The following SGCD variants were observed in gnomAD, a reference collection of about 807,000 sequenced individuals.
SGCD encodes the protein delta-sarcoglycan.
A neutral mutation model predicts 36.6 loss-of-function variants in SGCD; 18 were observed. The ratio of observed to expected loss-of-function variants is 0.49; its 90% CI spans 0.34 to 0.73. The LOEUF is 0.73. Ranked by LOEUF, SGCD falls within the 30% of genes least tolerant of loss-of-function variation. The probability of loss-of-function intolerance (pLI) is 0.01; values close to 1 mark genes in which losing one functional copy is unlikely to be tolerated. For synonymous variants in SGCD, 133 were observed against 130.6 expected (o/e 1.02, Z -0.12); for missense variants, 387 against 346.7 (o/e 1.12, Z -0.92).
chr5:155,743,026 C>G, the SGCD span, among the ~76,000 whole-genome samples: 1 of 152,178 alleles, frequency 6.6e-6, no homozygotes, highest in Admixed American at 6.5e-5. Flanking sequence ...CTTGCCCTCT[C>G]TAGGTGTACC....
chr5:156,722,673 A>G (rs537804786), intron 7 of SGCD, among the ~76,000 whole-genome samples: 70 of 152,342 alleles, frequency 4.6e-4, no homozygotes, highest in Admixed American at 9.2e-4. Context: ...ATCTTATCCA[A>G]TGCTTCTTCC....
chr5:156,081,002 C>G (rs1375216667), intron 1 of SGCD, among the ~76,000 whole-genome samples: 1 of 152,088 alleles, frequency 6.6e-6, no homozygotes. Flanking sequence ...AAATAAATAC[C>G]TGATCATGGG....
At chr5:155,948,199 A>T (rs1296443529) in intron 1 of SGCD, among the ~76,000 whole-genome samples, 1 of 152,078 alleles carries the variant, frequency 6.6e-6, no homozygotes, top group Non-Finnish European at 1.5e-5. Context: ...ATTTCTTGAA[A>T]TCTGGAGGCA....
intron 6 of SGCD, among the ~76,000 whole-genome samples, chr5:156,634,115 C>G (rs538456957): frequency 6.6e-6 from 1 of 152,302 alleles, no homozygotes; most frequent in South Asian, 2.1e-4. Context: ...CCTCTCTCCT[C>G]TCTTCCCCAC....
chr5:156,449,648 A>G (rs1753908676), intron 3 of SGCD, among the ~76,000 whole-genome samples: 1 of 145,444 alleles, frequency 6.9e-6, no homozygotes, highest in Admixed American at 7.0e-5. Flanking sequence ...CCTGGCCAAC[A>G]TGTTGAAACT....
Position 156,767,561 on chromosome 5 carries a change from C to T in SGCD, c.*8171C>T, listed in dbSNP as rs1757616988. 7.0e-6 allele frequency: 1 copy of T among 141,996 alleles called. No homozygotes were observed. The highest frequency in any genetic ancestry group is 1.5e-5 in the Non-Finnish European group (1 of 65,498). The allele number at this position is 141,996 out of a possible 1,614,324, so 8.8% of individuals were successfully genotyped here. A position where few individuals can be genotyped will look rare whatever the true frequency, so the allele number is the denominator to read the frequency against. ...TTGGATTATTTTTGGTTTGGTTTTT[C>T]TCTGGTTTTGGGTGTGATGTAAGAA... On this transcript the variant is annotated 3_prime_UTR_variant, in exon 9 of 9. Transcript: ENST00000337851.
At chr5:156,553,661 A>G (rs570697505) in intron 4 of SGCD, among the ~76,000 whole-genome samples, 12 of 152,226 alleles carry the variant, frequency 7.9e-5, no homozygotes, top group South Asian at 2.1e-4. Flanking sequence ...TCTGCTGTCT[A>G]TCTCTATGGG....
At chr5:156,344,073 A>C (rs1019915955) in intron 2 of SGCD, among the ~76,000 whole-genome samples, 1 of 152,162 alleles carries the variant, frequency 6.6e-6, no homozygotes, top group Non-Finnish European at 1.5e-5. Flanking sequence ...AAATTGCCTG[A>C]ATAATATTTT....
At chr5:155,767,098 C>A in the SGCD span, among the ~76,000 whole-genome samples, 4 of 152,200 alleles carry the variant, frequency 2.6e-5, no homozygotes, top group Non-Finnish European at 5.9e-5. Context: ...GCCCCCTGAG[C>A]ACATGTGAAT....
intron 7 of SGCD, among the ~76,000 whole-genome samples, chr5:156,671,306 T>A (rs1310493260): frequency 1.4e-5 from 2 of 144,170 alleles, no homozygotes; most frequent in Non-Finnish European, 3.0e-5. Context: ...AGAGTCTCGC[T>A]CTGTCACCCA....
chr5:156,509,910 T>C (rs1756859539), intron 4 of SGCD, among the ~76,000 whole-genome samples: 1 of 152,220 alleles, frequency 6.6e-6, no homozygotes, highest in South Asian at 2.1e-4. Flanking sequence ...ATGCATTTGC[T>C]CTGCCTTGGA....
intron 1 of SGCD, among the ~76,000 whole-genome samples, chr5:155,923,023 A>G (rs572105333): frequency 1.2e-4 from 18 of 152,298 alleles, no homozygotes; most frequent in South Asian, 2.1e-4. Flanking sequence ...TTGAGACAGA[A>G]CACAGTACGA....
At position 156,041,009 on chromosome 5, in the gene SGCD, G is replaced by T. The variant is rs566075213; in HGVS notation, c.-281-76869G>T. 5.9e-4 allele frequency among the ~76,000 whole-genome samples: 90 copies of T among 152,292 alleles called. 1 individual carries two copies. Among genetic ancestry groups the T allele is most frequent in the African/African-American group, 2.1e-3 (87 of 41,576 alleles). On this transcript the variant is annotated intron_variant, in intron 1 of 9. Coordinates refer to the SGCD transcript ENST00000517913. ...TGGGATTTTTCTGTTATTGTTCTGAGGCATAAACTGTGATGTTCTGTGTTT... is the reference window on the plus strand; with the variant it reads ...TGGGATTTTTCTGTTATTGTTCTGATGCATAAACTGTGATGTTCTGTGTTT...
chr5:155,983,167 A>G (rs1235620528), intron 1 of SGCD, among the ~76,000 whole-genome samples: 3 of 152,218 alleles, frequency 2.0e-5, no homozygotes, highest in African/African-American at 4.8e-5. Context: ...TTTGCTAAGT[A>G]TTTCTGTATA....
intron 6 of SGCD, among the ~76,000 whole-genome samples, chr5:156,618,104 G>A (rs150904452): frequency 7.3e-4 from 111 of 152,252 alleles, no homozygotes; most frequent in Middle Eastern, 6.8e-3. Context: ...AAGGAAGCAT[G>A]AGAATGGCTG....
At chr5:156,211,562 C>T (rs914296233) in intron 3 of SGCD, among the ~76,000 whole-genome samples, 1 of 148,522 alleles carries the variant, frequency 6.7e-6, no homozygotes, top group Non-Finnish European at 1.5e-5. Flanking sequence ...GAGCCGAGAT[C>T]GTGCCACTGC....
At chr5:156,426,467 A>G (rs1604957) in intron 3 of SGCD, among the ~76,000 whole-genome samples, 117,548 of 152,046 alleles carry the variant, frequency 0.77, 46,292 homozygotes, top group African/African-American at 0.92. Context: ...CTGAATATTA[A>G]TCCCTTGTCG....
chr5:156,147,469 A>G (rs1762731626), intron 3 of SGCD, among the ~76,000 whole-genome samples: 1 of 152,180 alleles, frequency 6.6e-6, no homozygotes, highest in Admixed American at 6.5e-5. Context: ...TTTCCATGTC[A>G]TACATCTATT....
chr5:156,126,665 G>A (rs1762179201), intron 3 of SGCD, among the ~76,000 whole-genome samples: 1 of 152,162 alleles, frequency 6.6e-6, no homozygotes, highest in African/African-American at 2.4e-5. Context: ...CTGTGCTCTG[G>A]TGCATGGAAC....
Sources: gnomAD v4.1 joint callset for allele counts (sites outside exome capture counted in the v4.1 genomes callset) on GRCh38, gnomAD v4.1.1 for gene constraint, MANE v1.5 for transcripts, NCBI Gene and HGNC (gene_info 2026-07-23, HGNC 2026-07-21) for gene names.